Variants in GALNTL6 observed in about 807,000 individuals in gnomAD.
GALNTL6 encodes polypeptide N-acetylgalactosaminyltransferase-like 6.
A neutral mutation model predicts 73.7 loss-of-function variants in GALNTL6; 46 were observed. The observed-to-expected ratio is 0.62, with a 90% confidence interval of 0.49 to 0.80. GALNTL6 has a LOEUF of 0.80. GALNTL6 is among the 30% of genes least tolerant of loss of function. GALNTL6 has a pLI of 0.00. For synonymous variants in GALNTL6, 259 were observed against 263.7 expected (o/e 0.98, Z 0.17); for missense variants, 604 against 755.0 (o/e 0.80, Z 2.34).
chr4:172,258,362 G>C (rs951606578), intron 3 of GALNTL6, among the ~76,000 whole-genome samples: 2 of 151,140 alleles, frequency 1.3e-5, no homozygotes, highest in Admixed American at 6.6e-5. Context: ...ACACAAACAC[G>C]TTTAGGTCTA....
At chr4:171,959,559 A>G (rs1739155559) in intron 2 of GALNTL6, among the ~76,000 whole-genome samples, 1 of 152,162 alleles carries the variant, frequency 6.6e-6, no homozygotes, top group African/African-American at 2.4e-5. Context: ...GTATATACAT[A>G]CTTACTCAGA....
intron 5 of GALNTL6, among the ~76,000 whole-genome samples, chr4:172,630,756 A>G (rs1412131804): frequency 6.7e-6 from 1 of 150,298 alleles, no homozygotes; most frequent in Non-Finnish European, 1.5e-5. Context: ...CATTTCCACA[A>G]AGCTATCTTG....
chr4:172,225,417 CTT>C (rs35420591), intron 2 of GALNTL6, among the ~76,000 whole-genome samples: 6 of 144,722 alleles, frequency 4.1e-5, no homozygotes, highest in Non-Finnish European at 6.0e-5. Context: ...ATGAATTTGA[CTT>C]TTTTTTTTTT....
At chr4:171,892,655 G>A (rs1023829898) in intron 2 of GALNTL6, among the ~76,000 whole-genome samples, 1 of 152,012 alleles carries the variant, frequency 6.6e-6, no homozygotes, top group African/African-American at 2.4e-5. Context: ...TTGAACTCCT[G>A]GGCTCAAATG....
intron 2 of GALNTL6, among the ~76,000 whole-genome samples, chr4:171,898,600 A>G (rs1238559044): frequency 1.3e-5 from 2 of 152,158 alleles, no homozygotes; most frequent in African/African-American, 4.8e-5. Context: ...CAGAAGAATG[A>G]TGAAAACACT....
At chr4:172,700,261 A>T (rs949265880) in intron 5 of GALNTL6, among the ~76,000 whole-genome samples, 1 of 152,178 alleles carries the variant, frequency 6.6e-6, no homozygotes, top group African/African-American at 2.4e-5. Flanking sequence ...TTCTCCTTTA[A>T]ATGTGATGAC....
rs1202531724 is a variant in GALNTL6, at chr4:172,511,851, G to A, written c.553+163162G>A. Among the ~76,000 whole-genome samples, 12 of 54,984 alleles carry A rather than the reference G, an allele frequency of 2.2e-4. 6 individuals carry two copies. The Admixed American group carries it at 2.6e-3, about 12-fold the overall frequency. 36.1% of individuals were successfully genotyped at this position (54,984 alleles called of 152,430 possible). On this transcript the variant is annotated intron_variant, in intron 5 of 12. Transcript: ENST00000506823. ...TAAATTTATTGAAACTTGTGTTGTAGTCTATCATATAGTCTATCTTGGAGA... is the reference window on the plus strand; with the variant it reads ...TAAATTTATTGAAACTTGTGTTGTAATCTATCATATAGTCTATCTTGGAGA...
intron 2 of GALNTL6, among the ~76,000 whole-genome samples, chr4:172,189,719 A>C (rs1735517436): frequency 6.6e-6 from 1 of 152,158 alleles, no homozygotes; most frequent in Non-Finnish European, 1.5e-5. Context: ...TTCTTATATA[A>C]AACAAAAATT....
chr4:172,741,916 T>C (rs1312327651), intron 5 of GALNTL6, among the ~76,000 whole-genome samples: 1 of 151,642 alleles, frequency 6.6e-6, no homozygotes, highest in Admixed American at 6.6e-5. Context: ...CTCTGTAACC[T>C]AAAGAATGAA....
intron 2 of GALNTL6, among the ~76,000 whole-genome samples, chr4:171,834,635 C>T (rs968632614): frequency 2.0e-5 from 3 of 151,882 alleles, no homozygotes; most frequent in Non-Finnish European, 2.9e-5. Flanking sequence ...TTACAATATG[C>T]GATGGCTAAT....
rs188594942 is a variant in GALNTL6, at chr4:171,988,167, A to T, written c.138+173449A>T. On this transcript the variant is annotated intron_variant, in intron 2 of 12. Coordinates refer to ENST00000506823, the MANE Select transcript of GALNTL6 (RefSeq NM_001034845.3). ...AAACAGTAGGTCAAGTTGTTTGGAC[A>T]GAAAGGCTACAGGGTGCAGTCCTGG... Among the ~76,000 whole-genome samples the T allele has an allele frequency of 1.2e-3, 180 of 152,350 alleles. 1 individual carries two copies. The highest frequency in any genetic ancestry group is 8.7e-4 in the African/African-American group (36 of 41,592).
At chr4:172,156,555 A>ATATAG (rs1553997734) in intron 2 of GALNTL6, among the ~76,000 whole-genome samples, 1 of 136,460 alleles carries the variant, frequency 7.3e-6, no homozygotes, top group Admixed American at 7.2e-5. Flanking sequence ...ATATATATAT[A>ATATAG]TATATATATA....
At chr4:171,873,068 C>T (rs1042950041) in intron 2 of GALNTL6, among the ~76,000 whole-genome samples, 6 of 152,078 alleles carry the variant, frequency 3.9e-5, no homozygotes, top group South Asian at 2.1e-4. Context: ...CATATGTGTG[C>T]GCTCAAGGCC....
At chr4:172,487,993 C>A (rs943865106) in intron 5 of GALNTL6, among the ~76,000 whole-genome samples, 4 of 152,120 alleles carry the variant, frequency 2.6e-5, no homozygotes, top group African/African-American at 9.7e-5. Flanking sequence ...AAATCATTAT[C>A]TTTAATTATT....
intron 5 of GALNTL6, among the ~76,000 whole-genome samples, chr4:172,464,711 AAAT>A (rs541423027): frequency 6.0e-5 from 9 of 151,064 alleles, no homozygotes; most frequent in South Asian, 2.1e-4. Context: ...TCTGTCTCAA[AAAT>A]AATAATAATA....
intron 2 of GALNTL6, among the ~76,000 whole-genome samples, chr4:171,821,788 C>T (rs1734692104): frequency 1.3e-5 from 2 of 151,920 alleles, no homozygotes; most frequent in Admixed American, 1.3e-4. Flanking sequence ...CACAGCAGAG[C>T]AACGTCACTG....
intron 5 of GALNTL6, among the ~76,000 whole-genome samples, chr4:172,650,879 T>C (rs1212762782): frequency 6.6e-6 from 1 of 152,224 alleles, no homozygotes; most frequent in Non-Finnish European, 1.5e-5. Flanking sequence ...TGAAAAGTTT[T>C]CCTAAAGACT....
intron 10 of GALNTL6, among the ~76,000 whole-genome samples, chr4:172,952,914 G>T (rs140428346): frequency 6.6e-6 from 1 of 152,196 alleles, no homozygotes; most frequent in Non-Finnish European, 1.5e-5. Flanking sequence ...ATACAAGTGC[G>T]TAAATATGGG....
At chr4:173,010,518 G>C (rs1752499036) in intron 11 of GALNTL6, among the ~76,000 whole-genome samples, 1 of 151,836 alleles carries the variant, frequency 6.6e-6, no homozygotes, top group Admixed American at 6.6e-5. Flanking sequence ...CTTTCTTTTG[G>C]GTATACACCC....
Sources: allele counts gnomAD v4.1 joint callset (sites outside exome capture counted in the v4.1 genomes callset), GRCh38; gene constraint gnomAD v4.1.1; transcripts MANE v1.5; gene names NCBI Gene and HGNC (gene_info 2026-07-23, HGNC 2026-07-21).